PHF2: variants seen among roughly 807,000 people sequenced by gnomAD.
PHF2 encodes the protein PHD finger protein 2, also known as lysine-specific demethylase PHF2.
Under a neutral mutation model 120.5 loss-of-function variants are expected in PHF2, and 27 were observed. That is an observed-to-expected ratio of 0.22 (90% CI 0.17 to 0.31). The LOEUF (loss-of-function observed/expected upper bound fraction) is 0.31. Ranked by LOEUF, PHF2 falls within the 10% of genes least tolerant of loss-of-function variation. The pLI, the probability that PHF2 is intolerant of heterozygous loss-of-function variation, is 1.00. For missense variants in PHF2, 1,024 were observed against 1,434.8 expected (o/e 0.71, Z 4.63); for synonymous variants, 568 against 592.5 (o/e 0.96, Z 0.60).
At chr9:93,597,795 CT>C (rs1825362536) in intron 1 of PHF2, among the ~76,000 whole-genome samples, 2 of 152,186 alleles carry the variant, frequency 1.3e-5, no homozygotes, top group South Asian at 4.1e-4. Context: ...TCCAGCCTCC[CT>C]TTTGAGAACA....
intron 1 of PHF2, among the ~76,000 whole-genome samples, chr9:93,626,463 A>G (rs1236112975): frequency 6.6e-6 from 1 of 152,092 alleles, no homozygotes; most frequent in African/African-American, 2.4e-5. Flanking sequence ...ATAGTTCTTT[A>G]TATGTTGTGG....
At chr9:93,600,874 G>T (rs950406981) in intron 1 of PHF2, among the ~76,000 whole-genome samples, 2 of 152,236 alleles carry the variant, frequency 1.3e-5, no homozygotes, top group African/African-American at 2.4e-5. Context: ...GGTGTGTTCA[G>T]TGTGGGGTTG....
At chr9:93,580,589 A>G (rs976882679) in intron 1 of PHF2, among the ~76,000 whole-genome samples, 3 of 152,190 alleles carry the variant, frequency 2.0e-5, no homozygotes, top group African/African-American at 7.2e-5. Flanking sequence ...CTTCTGTTAA[A>G]GTTTTAAACA....
chr9:93,638,394 G>A (rs945608561), intron 3 of PHF2, among the ~76,000 whole-genome samples: 1 of 152,150 alleles, frequency 6.6e-6, no homozygotes, highest in African/African-American at 2.4e-5. Context: ...TCTTCTAAGA[G>A]TTTTGTAGTT....
intron 1 of PHF2, among the ~76,000 whole-genome samples, chr9:93,611,845 T>C (rs1016996127): frequency 4.5e-4 from 69 of 152,280 alleles, no homozygotes; most frequent in Non-Finnish European, 4.7e-4. Flanking sequence ...AAGTCCTTGA[T>C]GGGTAGCAAT....
intron 7 of PHF2, among the ~76,000 whole-genome samples, chr9:93,655,693 G>A (rs1249086544): frequency 2.6e-5 from 4 of 152,234 alleles, no homozygotes; most frequent in East Asian, 1.9e-4. Flanking sequence ...CCTCTCCCCC[G>A]ACCCCCTTCC....
At chr9:93,621,802 T>C (rs1825832243) in intron 1 of PHF2, among the ~76,000 whole-genome samples, 1 of 151,932 alleles carries the variant, frequency 6.6e-6, no homozygotes, top group Non-Finnish European at 1.5e-5. Context: ...TGATTCTTGG[T>C]GGGGAGGTGT....
intron 3 of PHF2, among the ~76,000 whole-genome samples, chr9:93,644,795 C>A (rs1314920733): frequency 6.6e-6 from 1 of 152,102 alleles, no homozygotes; most frequent in Non-Finnish European, 1.5e-5. Context: ...TTGGGCAGAC[C>A]ACACTTCCCC....
intron 2 of PHF2, among the ~76,000 whole-genome samples, chr9:93,631,904 G>A (rs1587694005): frequency 1.3e-5 from 2 of 152,098 alleles, no homozygotes; most frequent in African/African-American, 2.4e-5. Context: ...GAAAGTGTCA[G>A]AAACCCCTGG....
At chr9:93,641,028 G>A (rs755327775) in intron 3 of PHF2, among the ~76,000 whole-genome samples, 2 of 152,204 alleles carry the variant, frequency 1.3e-5, no homozygotes, top group Non-Finnish European at 2.9e-5. Flanking sequence ...TTATACTGAT[G>A]TATGGTGGTA....
chr9:93,636,596 G>C (rs368121782), intron 3 of PHF2, 71 bp downstream of exon 3: 2 of 1,079,880 alleles, frequency 1.9e-6, no homozygotes, highest in Admixed American at 4.2e-5. Context: ...CCCTTGTCCC[G>C]CTATCCATTG....
rs1234888497 is a variant in PHF2, at chr9:93,665,800, T to C, written c.2052T>C (p.Gly684=). ...AGTATGAGTACGTGTCGGATGACGG[T>C]GAGCTCAAGATCGACGAGTTTCCCA... ...RDEYEYVSDD[G]ELKIDEFPIR... is the part of the protein sequence containing the mutation. Residue 684 remains glycine, a synonymous_variant, in exon 15 of 22, where the codon GGT becomes GGC. Coordinates refer to ENST00000359246, the MANE Select transcript of PHF2 (RefSeq NM_005392.4). The C allele has an allele frequency of 6.2e-7, 1 of 1,613,644 alleles. No homozygotes were observed. The highest frequency in any genetic ancestry group is 8.5e-7 in the Non-Finnish European group (1 of 1,179,944).
In PHF2 at chr9:93,660,548, C is replaced by T. The variant is rs1826546524; in HGVS notation, c.1686C>T (p.Pro562=). The T allele has an allele frequency of 6.4e-7, 1 of 1,563,242 alleles. No individual in the cohort carries two copies. Among genetic ancestry groups the T allele is most frequent in the Non-Finnish European group, 8.6e-7 (1 of 1,159,592 alleles). ...AGGCACTGACCAAGATGGAGCCGCC[C>T]AAGAAGGGCAAGGTGGGACCCCCTC... ...TKEALTKMEP[P]KKGKATKSVL... Residue 562 remains proline (P), a synonymous_variant, in exon 12 of 22, where the codon CCC becomes CCT. Transcript: ENST00000359246.
At chr9:93,638,789 G>A (rs1355508344) in intron 3 of PHF2, among the ~76,000 whole-genome samples, 1 of 152,156 alleles carries the variant, frequency 6.6e-6, no homozygotes, top group East Asian at 1.9e-4. Context: ...CACGATCTTG[G>A]CTTACTGCAA....
intron 17 of PHF2, among the ~76,000 whole-genome samples, chr9:93,669,924 G>A (rs1403346021): frequency 6.6e-6 from 1 of 152,200 alleles, no homozygotes; most frequent in Non-Finnish European, 1.5e-5. Flanking sequence ...ATGCAGAGCT[G>A]GGTGGCCCGC....
Position 93,576,811 on chromosome 9 carries a change from C to A in PHF2, c.38C>A (p.Pro13His). ...TVPVYCVCRL[P>H]YDVTRFMIEC... ...CCCGTGTACTGCGTCTGCCGGCTCC[C>A]CTACGACGTTACCCGCTTCATGATC... Residue 13 changes from proline to histidine, a missense_variant, in exon 1 of 22, where the codon CCC (proline) becomes CAC (histidine). This residue lies in a region of PHF2 where 347 missense variants were observed against 577.4 expected (regional missense o/e 0.60). Transcript: ENST00000359246. The A allele has an allele frequency of 7.7e-7, 1 of 1,291,452 alleles. No individual in the cohort carries two copies. Among genetic ancestry groups the A allele is most frequent in the Non-Finnish European group, 1.0e-6 (1 of 984,976 alleles). 80.0% of individuals were successfully genotyped at this position (1,291,452 alleles called of 1,614,324 possible).
Position 93,656,386 on chromosome 9 carries a change from C to T in PHF2, c.1041-103C>T, listed in dbSNP as rs959270487. 1.2e-6 allele frequency: 1 copy of T among 824,962 alleles called. No homozygotes were observed. 51.1% of individuals were successfully genotyped at this position (824,962 alleles called of 1,614,324 possible). On this transcript the variant is annotated intron_variant, in intron 8 of 21. Coordinates refer to ENST00000359246, the MANE Select transcript of PHF2 (RefSeq NM_005392.4). The surrounding 1 kb of genome is among the most constrained non-coding windows in gnomAD (Gnocchi z 4.1). ...CTGGTCCTCCTCAGCTATGCAGGGCCCAGTGGGGAGGCCTGAGCTGGTGTG... is the reference window on the plus strand; with the variant it reads ...CTGGTCCTCCTCAGCTATGCAGGGCTCAGTGGGGAGGCCTGAGCTGGTGTG...
At chr9:93,651,235 G>A (rs1035468238) in intron 5 of PHF2, among the ~76,000 whole-genome samples, 2 of 152,180 alleles carry the variant, frequency 1.3e-5, no homozygotes, top group African/African-American at 4.8e-5. Context: ...ACATAACTGA[G>A]TCATGTCTCC....
At position 93,661,456 on chromosome 9, in the gene PHF2, CGGAT is replaced by C. The variant is rs945156908; in HGVS notation, c.1698+902_1698+905del. On this transcript the variant is annotated intron_variant, in intron 12 of 21. Coordinates refer to ENST00000359246, the MANE Select transcript of PHF2 (RefSeq NM_005392.4). ...ATGGATGGATGAATGGATGAACAGACGGATGGATGAATGAATGAATCAGTGAATG... is the reference window on the plus strand; with the variant it reads ...ATGGATGGATGAATGGATGAACAGACGGATGAATGAATGAATCAGTGAATG... Among the ~76,000 whole-genome samples, 120 of 151,680 alleles carry C rather than the reference CGGAT, an allele frequency of 7.9e-4. 1 individual carries two copies. The highest frequency in any genetic ancestry group is 1.9e-3 in the South Asian group (9 of 4,794).
Sources: gnomAD v4.1 joint callset for allele counts (sites outside exome capture counted in the v4.1 genomes callset) on GRCh38, gnomAD v4.1.1 for gene constraint, gnomAD v4.1.1 regional missense constraint, Gnocchi (gnomAD v3.1) non-coding constraint, MANE v1.5 for transcripts, NCBI Gene and HGNC (gene_info 2026-07-23, HGNC 2026-07-21) for gene names.